The following SIPA1L3 variants were observed in gnomAD, a reference collection of about 807,000 sequenced individuals.
SIPA1L3 encodes the protein signal induced proliferation associated 1 like 3, also known as signal-induced proliferation-associated 1-like protein 3.
A neutral mutation model predicts 150.1 loss-of-function variants in SIPA1L3; 59 were observed. The observed-to-expected ratio is 0.39, with a 90% CI of 0.32 to 0.49. The LOEUF is 0.49. Among genes scored for constraint, SIPA1L3 ranks in the 20% least tolerant of loss-of-function variants. SIPA1L3 has a pLI of 0.86. For missense variants in SIPA1L3, 2,211 were observed against 2,489.5 expected, an observed-to-expected ratio of 0.89 and a Z score of 2.38; for synonymous variants, 1,070 against 1,077.6, an observed-to-expected ratio of 0.99 and a Z score of 0.14.
intron 1 of SIPA1L3, among the ~76,000 whole-genome samples, chr19:37,954,522 A>T (rs898775827): frequency 2.0e-5 from 3 of 152,212 alleles, no homozygotes; most frequent in Admixed American, 6.5e-5. Context: ...GTTTGCAGCC[A>T]GATCAGTTTT....
chr19:38,132,804 C>T (rs1000740671), intron 10 of SIPA1L3, among the ~76,000 whole-genome samples: 1 of 151,812 alleles, frequency 6.6e-6, no homozygotes, highest in South Asian at 2.1e-4. Flanking sequence ...TGTAGCACCA[C>T]ACCTGGCTAA....
At chr19:38,203,410 C>T (rs7245461) in intron 20 of SIPA1L3, among the ~76,000 whole-genome samples, 100,772 of 152,150 alleles carry the variant, frequency 0.66, 34,546 homozygotes, top group East Asian at 0.92. Flanking sequence ...TGTGCACGCA[C>T]GGCATCCAGT....
chr19:38,116,542 G>A (rs4007703), intron 8 of SIPA1L3, among the ~76,000 whole-genome samples: 50,247 of 123,222 alleles, frequency 0.41, 10,074 homozygotes, highest in East Asian at 0.65. Flanking sequence ...AAAAAAAAAA[G>A]AAAGAAAGAA....
At chr19:38,155,847 G>A (rs990912234) in intron 13 of SIPA1L3, among the ~76,000 whole-genome samples, 6 of 152,120 alleles carry the variant, frequency 3.9e-5, no homozygotes, top group African/African-American at 1.4e-4. Context: ...TTGGGAGGCC[G>A]AGGCAGGCCG....
chr19:38,018,162 T>TTG (rs1398723902), intron 1 of SIPA1L3, among the ~76,000 whole-genome samples: 1 of 140,452 alleles, frequency 7.1e-6, no homozygotes, highest in Non-Finnish European at 1.5e-5. Context: ...GTGTCTTTTT[T>TTG]TTTTTTTTTT....
At chr19:38,203,472 C>T (rs1347541509) in intron 20 of SIPA1L3, among the ~76,000 whole-genome samples, 1 of 149,600 alleles carries the variant, frequency 6.7e-6, no homozygotes, top group Non-Finnish European at 1.5e-5. Context: ...GCGTTCTCTG[C>T]AGCGGCCAGG....
Position 38,168,387 on chromosome 19 carries a change from A to C in SIPA1L3, c.4208+3481A>C, listed in dbSNP as rs192310191. ...GGGGAATAGAATGAGACTCCATCTT[A>C]AAAAACAAAAACAAAAACAAAACAA... On this transcript the variant is annotated intron_variant, in intron 15 of 21. Coordinates refer to ENST00000222345, the MANE Select transcript of SIPA1L3 (RefSeq NM_015073.3). 3.9e-5 allele frequency among the ~76,000 whole-genome samples: 6 copies of C among 152,166 alleles called. No homozygotes were observed. In the East Asian group the frequency reaches 1.2e-3, roughly 29 times the overall value.
chr19:38,037,291 T>G (rs963415416), intron 2 of SIPA1L3, among the ~76,000 whole-genome samples: 1 of 152,156 alleles, frequency 6.6e-6, no homozygotes, highest in Non-Finnish European at 1.5e-5. Context: ...TCATAAGGAC[T>G]GACGTTTGGG....
chr19:38,026,694 G>T (rs1862137028), intron 1 of SIPA1L3, among the ~76,000 whole-genome samples: 1 of 152,166 alleles, frequency 6.6e-6, no homozygotes, highest in Non-Finnish European at 1.5e-5. Flanking sequence ...GGGTCTCGTT[G>T]AGGGGTTCTT....
intron 4 of SIPA1L3, among the ~76,000 whole-genome samples, chr19:38,090,899 G>A (rs1019618593): frequency 3.3e-5 from 5 of 152,178 alleles, no homozygotes; most frequent in African/African-American, 1.2e-4. Flanking sequence ...CCAGGAAGAG[G>A]CAGCCCTAAA....
intron 2 of SIPA1L3, among the ~76,000 whole-genome samples, chr19:38,061,093 G>T (rs1969436505): frequency 1.3e-5 from 2 of 152,188 alleles, no homozygotes; most frequent in Non-Finnish European, 2.9e-5. Context: ...CAAATCCCTT[G>T]TAATATTGCA....
chr19:38,110,238 G>A lies in SIPA1L3; in HGVS notation c.2145G>A (p.Lys715=). The part of the protein sequence containing the change: ...TPNNRQQLLR[K]RHIGNDIVTI... ...TTGCCCTTTCCCAGCTGCTACGGAA[G>A]AGGCACATAGGAAATGACATCGTGA... The change falls in exon 8 of 22, where the codon AAG becomes AAA. Residue 715 remains lysine, a synonymous_variant. Transcript: ENST00000222345. 6.2e-7 allele frequency: 1 copy of A among 1,614,104 alleles called. No homozygotes were observed. Among genetic ancestry groups the A allele is most frequent in the Non-Finnish European group, 8.5e-7 (1 of 1,179,974 alleles).
intron 1 of SIPA1L3, among the ~76,000 whole-genome samples, chr19:38,015,401 G>T (rs1968208710): frequency 6.6e-6 from 1 of 152,104 alleles, no homozygotes; most frequent in Non-Finnish European, 1.5e-5. Context: ...TGCATACCTA[G>T]TTGGCTAATT....
At chr19:37,968,681 C>G (rs1480165198) in intron 1 of SIPA1L3, among the ~76,000 whole-genome samples, 1 of 152,206 alleles carries the variant, frequency 6.6e-6, no homozygotes, top group Admixed American at 6.5e-5. Flanking sequence ...GGTTTTTCTC[C>G]TTGATCTCCC....
intron 2 of SIPA1L3, among the ~76,000 whole-genome samples, chr19:38,039,874 C>G (rs1968873724): frequency 6.6e-6 from 1 of 152,040 alleles, no homozygotes; most frequent in South Asian, 2.1e-4. Flanking sequence ...AATCCTGTCC[C>G]TTTGGGAAGC....
chr19:38,115,534 G>A (rs533763413), intron 8 of SIPA1L3, among the ~76,000 whole-genome samples: 1 of 152,350 alleles, frequency 6.6e-6, no homozygotes, highest in South Asian at 2.1e-4. Context: ...AGGATAGGAA[G>A]TGCTAACTCA....
At chr19:38,006,035 C>T (rs944521388) in intron 1 of SIPA1L3, among the ~76,000 whole-genome samples, 2 of 152,158 alleles carry the variant, frequency 1.3e-5, no homozygotes, top group Non-Finnish European at 2.9e-5. Flanking sequence ...GAGACGCTGT[C>T]TCAAAGAAAA....
At chr19:37,948,491 A>G (rs1053679213) in intron 1 of SIPA1L3, among the ~76,000 whole-genome samples, 2 of 152,040 alleles carry the variant, frequency 1.3e-5, no homozygotes, top group Non-Finnish European at 2.9e-5. Flanking sequence ...AAAAAAAAGA[A>G]GAGTGGTTGG....
intron 15 of SIPA1L3, among the ~76,000 whole-genome samples, chr19:38,180,074 G>A (rs1410352413): frequency 9.9e-5 from 15 of 152,142 alleles, no homozygotes; most frequent in East Asian, 1.9e-4. Flanking sequence ...CCTGACAGGC[G>A]ATCCACCTGC....
Sources: gnomAD v4.1 joint callset for allele counts (sites outside exome capture counted in the v4.1 genomes callset) on GRCh38, gnomAD v4.1.1 for gene constraint, MANE v1.5 for transcripts, NCBI Gene and HGNC (gene_info 2026-07-23, HGNC 2026-07-21) for gene names.